KHDRBS2: variants seen among roughly 807,000 people sequenced by gnomAD.
KHDRBS2 encodes the protein KH domain-containing, RNA-binding, signal transduction-associated protein 2.
KHDRBS2 carries 26 observed loss-of-function variants against 44.3 expected under a neutral mutation model. The ratio of observed to expected loss-of-function variants is 0.59; its 90% CI spans 0.43 to 0.81. KHDRBS2 has a LOEUF of 0.81. Among genes scored for constraint, KHDRBS2 ranks in the 40% least tolerant of loss-of-function variants. The probability of loss-of-function intolerance (pLI) is 0.00; values close to 1 mark genes in which losing one functional copy is unlikely to be tolerated. For missense variants in KHDRBS2, 476 were observed against 433.1 expected (o/e 1.10, Z -0.88); for synonymous variants, 194 against 151.1 (o/e 1.28, Z -2.08).
chr6:61,649,077 G>GA, the KHDRBS2 span, among the ~76,000 whole-genome samples: 1 of 152,136 alleles, frequency 6.6e-6, no homozygotes, highest in Non-Finnish European at 1.5e-5. Context: ...TCACGTGGAG[G>GA]AAGTCCTTCA....
At chr6:61,889,177 T>C (rs1801426740) in intron 6 of KHDRBS2, among the ~76,000 whole-genome samples, 1 of 152,170 alleles carries the variant, frequency 6.6e-6, no homozygotes, top group African/African-American at 2.4e-5. Flanking sequence ...TGCTTATAAG[T>C]GCTTATGAAT....
At chr6:62,233,491 C>A (rs1211277835) in intron 1 of KHDRBS2, among the ~76,000 whole-genome samples, 1 of 152,172 alleles carries the variant, frequency 6.6e-6, no homozygotes, top group East Asian at 1.9e-4. Context: ...CTGGTCTTTT[C>A]AAAATTTAAC....
the KHDRBS2 span, among the ~76,000 whole-genome samples, chr6:61,597,773 T>TATACATACAC: frequency 7.1e-5 from 3 of 42,332 alleles, 1 homozygote; most frequent in Non-Finnish European, 1.4e-4. Context: ...TATATATATA[T>TATACATACAC]ACACCAAGAT....
chr6:61,862,152 C>A (rs992536897), intron 6 of KHDRBS2, among the ~76,000 whole-genome samples: 3 of 151,918 alleles, frequency 2.0e-5, no homozygotes, highest in Non-Finnish European at 2.9e-5. Context: ...ATAAAGGAAA[C>A]CTTTGCAACC....
chr6:62,048,065 G>T, intron 2 of KHDRBS2, 71 bp from the exon 3 acceptor site: 2 of 895,888 alleles, frequency 2.2e-6, no homozygotes, highest in East Asian at 2.6e-5. Context: ...AAGAGTAATT[G>T]ATAGGTTATA....
chr6:61,827,390 C>A (rs1056737554), intron 6 of KHDRBS2, among the ~76,000 whole-genome samples: 1 of 152,158 alleles, frequency 6.6e-6, no homozygotes. Flanking sequence ...CATTTATTTT[C>A]TTATCCGCTG....
chr6:62,115,182 CAGTTTT>C (rs1279327091), intron 2 of KHDRBS2, among the ~76,000 whole-genome samples: 1 of 152,100 alleles, frequency 6.6e-6, no homozygotes, highest in Non-Finnish European at 1.5e-5. Context: ...TTTCAAAAGT[CAGTTTT>C]ACCCCAAAAG....
intron 2 of KHDRBS2, among the ~76,000 whole-genome samples, chr6:62,054,599 T>C (rs1392165455): frequency 1.3e-5 from 2 of 152,010 alleles, no homozygotes; most frequent in African/African-American, 4.8e-5. Flanking sequence ...GGCAGCAGGG[T>C]CAGAGAAGGA....
chr6:62,047,719 G>T (rs1365297911), intron 3 of KHDRBS2, among the ~76,000 whole-genome samples, 159 bp downstream of exon 3: 3 of 151,850 alleles, frequency 2.0e-5, no homozygotes, highest in Non-Finnish European at 2.9e-5. Context: ...TGATTTTTAG[G>T]AAGAGAGAGG....
chr6:61,871,000 G>T lies in KHDRBS2; in HGVS notation c.810+23635C>A, dbSNP rs189295113. ...CAGCAAGGGAACAAAACTGGACGGA[G>T]AATGAGTTTGACGCACTGACAGAAG... On this transcript the variant is annotated intron_variant, in intron 6 of 8. Transcript: ENST00000281156. Among the ~76,000 whole-genome samples, 237 of 152,286 alleles carry T rather than the reference G, an allele frequency of 1.6e-3. 1 individual carries two copies. Among genetic ancestry groups the T allele is most frequent in the Non-Finnish European group, 2.7e-3 (185 of 68,018 alleles).
intron 2 of KHDRBS2, among the ~76,000 whole-genome samples, chr6:62,126,140 G>A (rs1012824598): frequency 2.0e-5 from 3 of 152,150 alleles, no homozygotes; most frequent in Non-Finnish European, 2.9e-5. Flanking sequence ...TCCTAGGCCT[G>A]GCAGCATTTA....
At chr6:62,187,244 T>C (rs1455624777) in intron 1 of KHDRBS2, among the ~76,000 whole-genome samples, 1 of 152,148 alleles carries the variant, frequency 6.6e-6, no homozygotes, top group Non-Finnish European at 1.5e-5. Context: ...AAAACCTGAA[T>C]ATTAATTTTT....
chr6:61,570,668 C>A, the KHDRBS2 span, among the ~76,000 whole-genome samples: 1 of 152,056 alleles, frequency 6.6e-6, no homozygotes, highest in African/African-American at 2.4e-5. Context: ...AGCTGTGAGA[C>A]AAAAGTATCA....
chr6:61,744,906 A>G (rs1776650533), intron 6 of KHDRBS2, among the ~76,000 whole-genome samples: 1 of 152,128 alleles, frequency 6.6e-6, no homozygotes, highest in South Asian at 2.1e-4. Context: ...CAGAATATTA[A>G]CATTTACTAC....
In KHDRBS2 at chr6:61,966,424, G is replaced by A. The variant is rs145262342; in HGVS notation, c.483+11642C>T. Among the ~76,000 whole-genome samples, 357 of 152,026 alleles carry A rather than the reference G, an allele frequency of 2.3e-3. 3 individuals carry two copies. Among genetic ancestry groups the A allele is most frequent in the African/African-American group, 8.1e-3 (335 of 41,496 alleles). ...ATACTATGACTGTGATGCTTCTAGT[G>A]TAAGTCTCCCTCATCTTTGATCCAT... is the stretch of plus-strand genomic sequence containing the variant. On this transcript the variant is annotated intron_variant, in intron 4 of 8. Coordinates refer to ENST00000281156, the MANE Select transcript of KHDRBS2 (RefSeq NM_152688.4).
chr6:61,797,926 G>C (rs1196197488), intron 6 of KHDRBS2, among the ~76,000 whole-genome samples: 1 of 151,930 alleles, frequency 6.6e-6, no homozygotes, highest in East Asian at 1.9e-4. Context: ...TGGATAAGTT[G>C]CATGTCATTG....
intron 3 of KHDRBS2, among the ~76,000 whole-genome samples, chr6:62,043,296 C>A (rs1187564433): frequency 6.6e-6 from 1 of 152,064 alleles, no homozygotes; most frequent in Non-Finnish European, 1.5e-5. Context: ...TGCTCAGAAG[C>A]AACTACCAGT....
intron 1 of KHDRBS2, among the ~76,000 whole-genome samples, chr6:62,198,866 G>A (rs1826278082): frequency 6.6e-6 from 1 of 152,082 alleles, no homozygotes; most frequent in Admixed American, 6.6e-5. Context: ...GAATCCAGCA[G>A]CACATCAAAA....
chr6:61,728,241 G>A (rs1453616316), intron 7 of KHDRBS2, among the ~76,000 whole-genome samples: 1 of 151,938 alleles, frequency 6.6e-6, no homozygotes, highest in African/African-American at 2.4e-5. Context: ...TAAATGATGA[G>A]AACACAGGGA....
Sources: gnomAD v4.1 joint callset for allele counts (sites outside exome capture counted in the v4.1 genomes callset) on GRCh38, gnomAD v4.1.1 for gene constraint, MANE v1.5 for transcripts, NCBI Gene and HGNC (gene_info 2026-07-23, HGNC 2026-07-21) for gene names.